The following FGFR2 variants were observed in gnomAD, a reference collection of about 807,000 sequenced individuals.
FGFR2 encodes fibroblast growth factor receptor 2, also known as BEK fibroblast growth factor receptor.
FGFR2 carries 19 observed loss-of-function variants against 95.9 expected under a neutral mutation model. That is an observed-to-expected ratio of 0.20 (90% CI 0.14 to 0.29). The LOEUF is 0.29. Ranked by LOEUF, FGFR2 falls within the 10% of genes least tolerant of loss-of-function variation. The pLI, the probability that FGFR2 is intolerant of heterozygous loss-of-function variation, is 1.00. For missense variants in FGFR2, 707 were observed against 1,056.9 expected (o/e 0.67, Z 4.59); for synonymous variants, 392 against 393.3 (o/e 1.00, Z 0.04).
chr10:121,557,104 A>C (rs1468504959), intron 4 of FGFR2, among the ~76,000 whole-genome samples: 1 of 152,244 alleles, frequency 6.6e-6, no homozygotes, highest in Non-Finnish European at 1.5e-5. Context: ...TATGTTTTCA[A>C]AACCAAGCAA....
chr10:121,519,829 T>G, intron 7 of FGFR2, 150 bp downstream of exon 7: 4 of 694,318 alleles, frequency 5.8e-6, no homozygotes, highest in Non-Finnish European at 9.8e-6. Context: ...GCAAGTGTAA[T>G]GATCTGTTAA....
intron 10 of FGFR2, among the ~76,000 whole-genome samples, chr10:121,503,371 C>T (rs891234505): frequency 6.6e-6 from 1 of 152,198 alleles, no homozygotes; most frequent in East Asian, 1.9e-4. Flanking sequence ...CACTGGGTAG[C>T]GGTCCTTAAG....
intron 9 of FGFR2, among the ~76,000 whole-genome samples, chr10:121,507,038 T>C (rs143014944): frequency 0.02 from 2,993 of 152,350 alleles, 100 homozygotes; most frequent in Admixed American, 0.082. Flanking sequence ...CCCTTCCTTC[T>C]GCTACCAGGC....
intron 15 of FGFR2, among the ~76,000 whole-genome samples, chr10:121,486,281 A>G (rs536413042): frequency 6.6e-6 from 1 of 152,328 alleles, no homozygotes; most frequent in South Asian, 2.1e-4. Context: ...GAGCAAAAGC[A>G]GCAGCACAGG....
intron 6 of FGFR2, chr10:121,527,719 G>A (rs1851571112): frequency 6.6e-6 from 1 of 152,162 alleles, no homozygotes; most frequent in African/African-American, 2.4e-5. Flanking sequence ...AGTTTACTCA[G>A]TGAGAGCTTT....
Position 121,517,539 on chromosome 10 carries a change from G to C in FGFR2, c.940-76C>G. On this transcript the variant is annotated intron_variant, in intron 7 of 17. Coordinates refer to ENST00000358487, the MANE Select transcript of FGFR2 (RefSeq NM_000141.5). This position sits in a 1 kb window ranked among gnomAD's most constrained non-coding sequence, Gnocchi z 4.7. Reference sequence around the variant, plus strand: ...GTGGAGGGGGCTGTGGAACCACAAGGCGTCGCACCGGGGGCTTCAGGGGGT... The same window carrying C: ...GTGGAGGGGGCTGTGGAACCACAAGCCGTCGCACCGGGGGCTTCAGGGGGT... The C allele has an allele frequency of 6.3e-7, 1 of 1,581,182 alleles. No homozygotes were observed. The highest frequency in any genetic ancestry group is 8.7e-7 in the Non-Finnish European group (1 of 1,153,868).
chr10:121,553,086 G>C (rs993233447), intron 4 of FGFR2, among the ~76,000 whole-genome samples: 1 of 152,148 alleles, frequency 6.6e-6, no homozygotes, highest in African/African-American at 2.4e-5. Flanking sequence ...CTTCACGCTT[G>C]CTCTTGAAAC....
rs1448557265 is a variant in FGFR2, at chr10:121,479,935, A to G, written c.2388T>C (p.Ser796=). 1 of 1,614,194 alleles carries G rather than the reference A, an allele frequency of 6.2e-7. No homozygotes were observed. Among genetic ancestry groups the G allele is most frequent in the Admixed American group, 1.7e-5 (1 of 60,028 alleles). Residue 796 remains serine (S), a synonymous_variant, in exon 18 of 18, where the codon TCT becomes TCC. Coordinates refer to ENST00000358487, the MANE Select transcript of FGFR2 (RefSeq NM_000141.5). ...AAGGCATGGGGTCTGGAGAAAAAAC[A>G]GAATCATCTCCTGAAGAACAAGAAC... is the stretch of plus-strand genomic sequence containing the variant. ...TRSSCSSGDD[S]VFSPDPMPYE...
intron 6 of FGFR2, among the ~76,000 whole-genome samples, chr10:121,532,594 G>C (rs1293069219): frequency 6.6e-6 from 1 of 152,166 alleles, no homozygotes; most frequent in Non-Finnish European, 1.5e-5. Context: ...TGGTTTGAGG[G>C]ACTCCGCCGT....
rs1040156492 is a variant in FGFR2, at chr10:121,485,327, C to G, written c.2195+68G>C. Reference sequence around the variant, plus strand: ...ACCAGGGGCCTTCAAAAACGAGATACATCAGGAGAGGTATTACTGGTGTGG... The same window carrying G: ...ACCAGGGGCCTTCAAAAACGAGATAGATCAGGAGAGGTATTACTGGTGTGG... On this transcript the variant is annotated intron_variant, in intron 16 of 17. Coordinates refer to ENST00000358487, the MANE Select transcript of FGFR2 (RefSeq NM_000141.5). This position sits in a 1 kb window ranked among gnomAD's most constrained non-coding sequence, Gnocchi z 4.2. 4 of 1,608,370 alleles carry G rather than the reference C, an allele frequency of 2.5e-6. No homozygotes were observed. The Admixed American group carries it at 5.0e-5, about 20-fold the overall frequency.
intron 9 of FGFR2, among the ~76,000 whole-genome samples, chr10:121,512,903 CTT>C (rs993773343): frequency 2.0e-5 from 3 of 152,038 alleles, no homozygotes; most frequent in African/African-American, 7.2e-5. Flanking sequence ...GAGTTTTACT[CTT>C]GTTGCCCAGG....
At chr10:121,498,073 G>T (rs1323414186) in intron 12 of FGFR2, among the ~76,000 whole-genome samples, 1 of 152,190 alleles carries the variant, frequency 6.6e-6, no homozygotes, top group Non-Finnish European at 1.5e-5. Context: ...ATTCTTGGGA[G>T]CTCAGCCATC....
At chr10:121,536,047 C>A (rs1018507985) in intron 6 of FGFR2, among the ~76,000 whole-genome samples, 2 of 152,202 alleles carry the variant, frequency 1.3e-5, no homozygotes, top group African/African-American at 4.8e-5. Flanking sequence ...TTCTGTGAAA[C>A]AGAGAGGTGG....
rs1206627527 is a variant in FGFR2 at position 121,523,320 on chromosome 10, C to T, written c.749-3151G>A. ...CTTCAGACGTCAGGTGAAACCCTTG[C>T]TCTCTGGCTCATACAATGACCCAGG... is the stretch of plus-strand genomic sequence containing the variant. On this transcript the variant is annotated intron_variant, in intron 6 of 17. Coordinates refer to ENST00000358487, the MANE Select transcript of FGFR2 (RefSeq NM_000141.5). 2.0e-5 allele frequency among the ~76,000 whole-genome samples: 3 copies of T among 152,186 alleles called. No individual in the cohort carries two copies. The East Asian group carries it at 5.8e-4, about 29-fold the overall frequency.
intron 9 of FGFR2, among the ~76,000 whole-genome samples, chr10:121,504,324 C>A (rs1848002188): frequency 6.6e-6 from 1 of 152,160 alleles, no homozygotes; most frequent in African/African-American, 2.4e-5. Context: ...GATAATGGAT[C>A]CCCTCTCAGA....
At chr10:121,511,243 T>C (rs1003583899) in intron 9 of FGFR2, among the ~76,000 whole-genome samples, 9 of 151,754 alleles carry the variant, frequency 5.9e-5, no homozygotes, top group Non-Finnish European at 1.0e-4. Flanking sequence ...GGGTGTAAGC[T>C]GCACAGGAGA....
At chr10:121,577,100 G>T (rs1859913877) in intron 2 of FGFR2, among the ~76,000 whole-genome samples, 1 of 127,804 alleles carries the variant, frequency 7.8e-6, no homozygotes, top group African/African-American at 3.1e-5. Context: ...ACGCCACTGT[G>T]CTCCAGCCTG....
In FGFR2 at chr10:121,515,138, G is replaced by A. The variant is rs747449724; in HGVS notation, c.1266C>T (p.Ile422=). The part of the protein sequence containing the change: ...QPAVHKLTKR[I]PLRRQVTVSA... ...TTTCTGTTACCTGTCTCCGCAGGGG[G>A]ATACGTTTGGTCAGCTTGTGCACAG... Residue 422 remains isoleucine, a synonymous_variant, in exon 9 of 18, where the codon ATC becomes ATT. Coordinates refer to ENST00000358487, the MANE Select transcript of FGFR2 (RefSeq NM_000141.5). 6.2e-7 allele frequency: 1 copy of A among 1,614,178 alleles called. No individual in the cohort carries two copies.
rs1717709412 is a variant in FGFR2 at position 121,478,659 on chromosome 10, TCAG to T, written c.*1195_*1197del. On this transcript the variant is annotated 3_prime_UTR_variant, in exon 18 of 18. Coordinates refer to ENST00000358487, the MANE Select transcript of FGFR2 (RefSeq NM_000141.5). The stretch of plus-strand genomic sequence containing the variant: ...AAAGATGGACGTATCCCCAAAACTA[TCAG>T]CAGAACAACTCTGTGTTTCAATTTT... The T allele has an allele frequency of 8.6e-6, 2 of 233,202 alleles. No homozygotes were observed. Among genetic ancestry groups the T allele is most frequent in the Admixed American group, 5.6e-5 (1 of 17,782 alleles). 14.4% of individuals were successfully genotyped at this position (233,202 alleles called of 1,614,324 possible).
Sources: gnomAD v4.1 joint callset for allele counts (sites outside exome capture counted in the v4.1 genomes callset) on GRCh38, gnomAD v4.1.1 for gene constraint, Gnocchi (gnomAD v3.1) non-coding constraint, MANE v1.5 for transcripts, NCBI Gene and HGNC (gene_info 2026-07-23, HGNC 2026-07-21) for gene names.